Variants in ZNF331 observed in about 807,000 individuals in gnomAD.
The protein encoded by ZNF331 is C2H2-like zinc finger protein rearranged in thyroid adenomas.
In ZNF331, 2 loss-of-function variants were observed where a neutral mutation model predicts 7.0. That is an observed-to-expected ratio of 0.29 (90% CI 0.12 to 0.90). ZNF331 has a LOEUF of 0.90. Among genes scored for constraint, ZNF331 ranks in the 40% least tolerant of loss-of-function variants. The pLI, the probability that ZNF331 is intolerant of heterozygous loss-of-function variation, is 0.58. For missense variants in ZNF331, 432 were observed against 587.7 expected (o/e 0.74, Z 2.74); for synonymous variants, 196 against 205.4 (o/e 0.95, Z 0.39).
chr19:53,576,324 C>T (rs1043915441), intron 5 of ZNF331, among the ~76,000 whole-genome samples: 1 of 152,178 alleles, frequency 6.6e-6, no homozygotes, highest in African/African-American at 2.4e-5. Flanking sequence ...CTGACATATA[C>T]GTGTATCAGT....
intron 3 of ZNF331, among the ~76,000 whole-genome samples, chr19:53,559,678 C>T (rs896839076): frequency 9.0e-5 from 13 of 144,646 alleles, no homozygotes; most frequent in Non-Finnish European, 1.9e-4. Context: ...CATATAAAAA[C>T]CATACACACA....
chr19:53,553,149 A>T (rs1479210548), intron 2 of ZNF331, among the ~76,000 whole-genome samples: 1 of 152,250 alleles, frequency 6.6e-6, no homozygotes, highest in East Asian at 1.9e-4. Context: ...TATATAACAG[A>T]CTAATTTATT....
intron 2 of ZNF331, among the ~76,000 whole-genome samples, chr19:53,524,104 T>TA (rs1311429964): frequency 6.6e-6 from 1 of 152,370 alleles, no homozygotes; most frequent in South Asian, 2.1e-4. Flanking sequence ...CATCCTTTTT[T>TA]ATGGCTGCAT....
chr19:53,575,641 T>A (rs940318314), intron 5 of ZNF331, among the ~76,000 whole-genome samples: 1 of 150,676 alleles, frequency 6.6e-6, no homozygotes, highest in African/African-American at 2.4e-5. Flanking sequence ...GCCTGGCTAA[T>A]TTTTGCGTTT....
intron 2 of ZNF331, among the ~76,000 whole-genome samples, chr19:53,553,231 G>T (rs1383768294): frequency 6.6e-6 from 1 of 150,692 alleles, no homozygotes; most frequent in Non-Finnish European, 1.5e-5. Flanking sequence ...TACTGTCTTG[G>T]CTGGGTGCAG....
At chr19:53,561,850 CA>C (rs958324280) in intron 3 of ZNF331, among the ~76,000 whole-genome samples, 1 of 150,838 alleles carries the variant, frequency 6.6e-6, no homozygotes, top group Non-Finnish European at 1.5e-5. Context: ...GAGACCATCT[CA>C]AAAAAAAACT....
At position 53,579,846 on chromosome 19, in the gene ZNF331, C is replaced by G. The variant is rs1403842556; in HGVS notation, c.*1894C>G. On this transcript the variant is annotated 3_prime_UTR_variant, in exon 6 of 6. Coordinates refer to ENST00000449416, the MANE Select transcript of ZNF331 (RefSeq NM_001079906.2). ...ACAGGACTGGAAGAAGATGTTTGCT[C>G]TAAGGTACACCTGACAAAGGAACTC... The G allele has an allele frequency of 5.0e-6, 1 of 200,316 alleles. No homozygotes were observed. The highest frequency in any genetic ancestry group is 6.0e-5 in the Admixed American group (1 of 16,540). The allele number at this position is 200,316 out of a possible 1,614,324, so 12.4% of individuals were successfully genotyped here.
chr19:53,551,227 A>G (rs898009377), intron 2 of ZNF331, among the ~76,000 whole-genome samples: 2 of 152,252 alleles, frequency 1.3e-5, no homozygotes, highest in African/African-American at 4.8e-5. Flanking sequence ...TAAGGAGTTC[A>G]TAAAGAAGAA....
intron 3 of ZNF331, among the ~76,000 whole-genome samples, chr19:53,561,585 A>C (rs958437629): frequency 2.6e-5 from 4 of 152,134 alleles, no homozygotes; most frequent in Admixed American, 1.3e-4. Context: ...TGTAGCAGCA[A>C]ATTATCAAGA....
chr19:53,554,201 G>A (rs2089203831), intron 2 of ZNF331, among the ~76,000 whole-genome samples: 1 of 152,208 alleles, frequency 6.6e-6, no homozygotes, highest in South Asian at 2.1e-4. Flanking sequence ...GAGTGCGCCT[G>A]TGGCTTCGGG....
At position 53,571,746 on chromosome 19, in the gene ZNF331, C is replaced by T. The variant is rs780023678; in HGVS notation, c.136+16C>T. The T allele has an allele frequency of 6.3e-6, 10 of 1,596,354 alleles. No individual in the cohort carries two copies. In the South Asian group the frequency reaches 1.1e-4, roughly 18 times the overall value. On this transcript the variant is annotated intron_variant, in intron 5 of 5. Transcript: ENST00000449416. This position sits in a 1 kb window ranked among gnomAD's most constrained non-coding sequence, Gnocchi z 4.7. ...GTCTCACTGGGTGAGTTGCACGCCT[C>T]AGATAACTTAGACTGCCTCCTGGAA...
upstream of ZNF331, among the ~76,000 whole-genome samples, chr19:53,534,739 AT>A (rs1568467910): frequency 6.6e-6 from 1 of 152,144 alleles, no homozygotes; most frequent in African/African-American, 2.4e-5. Flanking sequence ...CACCTAGATA[AT>A]TCAGGGTAAT....
chr19:53,517,297 G>A (rs2086925340), upstream of ZNF331, among the ~76,000 whole-genome samples: 1 of 152,028 alleles, frequency 6.6e-6, no homozygotes, highest in Admixed American at 6.6e-5. Flanking sequence ...CATTTCATGG[G>A]GCACTTTGCC....
chr19:53,551,884 T>C (rs1430822610), intron 2 of ZNF331, among the ~76,000 whole-genome samples: 1 of 152,184 alleles, frequency 6.6e-6, no homozygotes, highest in Non-Finnish European at 1.5e-5. Context: ...AGGATTTTGA[T>C]ATTCAGGGGG....
intron 2 of ZNF331, chr19:53,554,607 G>T (rs1359720728): frequency 6.6e-6 from 1 of 152,350 alleles, no homozygotes; most frequent in East Asian, 1.9e-4. Flanking sequence ...ACGGGTGCAC[G>T]CAAGCGTCAT....
the ZNF331 span, among the ~76,000 whole-genome samples, chr19:53,513,404 G>A: frequency 6.6e-6 from 1 of 152,110 alleles, no homozygotes; most frequent in East Asian, 1.9e-4. Context: ...ATTGTTTTGA[G>A]TAAAATTAAA....
At chr19:53,544,544 C>CA (rs966045578) in intron 2 of ZNF331, among the ~76,000 whole-genome samples, 9,478 of 93,980 alleles carry the variant, frequency 0.1, 387 homozygotes, top group African/African-American at 0.16. Context: ...GACTCCGTCT[C>CA]AAAAAAAAAA....
rs981000333 is a variant in ZNF331 at position 53,571,063 on chromosome 19, G to A, written c.10-541G>A. Among the ~76,000 whole-genome samples, 14 of 151,012 alleles carry A rather than the reference G, an allele frequency of 9.3e-5. No homozygotes were observed. The highest frequency in any genetic ancestry group is 9.2e-4 in the Admixed American group (14 of 15,142). The stretch of plus-strand genomic sequence containing the variant: ...TTTAGTAGAGATGGGGTTTCACCAT[G>A]TTTGCCAGGATGGTCTCGATCTCCT... On this transcript the variant is annotated intron_variant, in intron 4 of 5. Coordinates refer to ENST00000449416, the MANE Select transcript of ZNF331 (RefSeq NM_001079906.2). This position sits in a 1 kb window ranked among gnomAD's most constrained non-coding sequence, Gnocchi z 4.7.
At chr19:53,552,179 A>C (rs953238866) in intron 2 of ZNF331, among the ~76,000 whole-genome samples, 1 of 152,208 alleles carries the variant, frequency 6.6e-6, no homozygotes, top group Non-Finnish European at 1.5e-5. Context: ...TCCTCTTGCT[A>C]ATGTTCCCAG....
Sources: gnomAD v4.1 joint callset for allele counts (sites outside exome capture counted in the v4.1 genomes callset) on GRCh38, gnomAD v4.1.1 for gene constraint, Gnocchi (gnomAD v3.1) non-coding constraint, MANE v1.5 for transcripts, NCBI Gene and HGNC (gene_info 2026-07-23, HGNC 2026-07-21) for gene names.